DHX32: variants seen among roughly 807,000 people sequenced by gnomAD.
DHX32 encodes putative pre-mRNA-splicing factor ATP-dependent RNA helicase DHX32.
A neutral mutation model predicts 70.0 loss-of-function variants in DHX32; 51 were observed. The observed-to-expected ratio is 0.73, with a 90% CI of 0.58 to 0.92. DHX32 has a LOEUF of 0.92. DHX32 is among the 40% of genes least tolerant of loss of function. The pLI, the probability that DHX32 is intolerant of heterozygous loss-of-function variation, is 0.00. For missense variants in DHX32, 762 were observed against 891.8 expected, an observed-to-expected ratio of 0.85 and a Z score of 1.85; for synonymous variants, 310 against 315.3, an observed-to-expected ratio of 0.98 and a Z score of 0.18.
intron 6 of DHX32, among the ~76,000 whole-genome samples, chr10:125,846,543 G>C (rs182973541): frequency 6.6e-6 from 1 of 152,276 alleles, no homozygotes; most frequent in East Asian, 1.9e-4. Context: ...ACACATCTGG[G>C]ACAGCCTCAC....
chr10:125,841,577 C>A, intron 7 of DHX32, 166 bp downstream of exon 7: 1 of 1,429,944 alleles, frequency 7.0e-7, no homozygotes, highest in Non-Finnish European at 9.1e-7. Flanking sequence ...AGAAAATTTT[C>A]CTTTTCTAAC....
rs141785134 is a variant in DHX32 at position 125,876,505 on chromosome 10, T to C, written c.282+4038A>G. Among the ~76,000 whole-genome samples, 415 of 152,306 alleles carry C rather than the reference T, an allele frequency of 2.7e-3. 1 individual carries two copies. Among genetic ancestry groups the C allele is most frequent in the African/African-American group, 9.6e-3 (401 of 41,568 alleles). ...ATAAAGAACCAGGCAGATACCACCTTACCAAGGGATCAGAATTAACATCAC... is the reference window on the plus strand; with the variant it reads ...ATAAAGAACCAGGCAGATACCACCTCACCAAGGGATCAGAATTAACATCAC... On this transcript the variant is annotated intron_variant, in intron 1 of 10. Transcript: ENST00000284690.
chr10:125,856,846 C>T (rs1217034865), intron 3 of DHX32, among the ~76,000 whole-genome samples: 1 of 152,128 alleles, frequency 6.6e-6, no homozygotes, highest in Non-Finnish European at 1.5e-5. Flanking sequence ...ATCCCAGCTA[C>T]TTTGAAGGCT....
At position 125,866,886 on chromosome 10, in the gene DHX32, C is replaced by T. The variant is rs1944223510; in HGVS notation, c.476+104G>A. 3.1e-6 allele frequency: 4 copies of T among 1,285,846 alleles called. No individual in the cohort carries two copies. In the Admixed American group the frequency reaches 6.0e-5, roughly 19 times the overall value. The allele number at this position is 1,285,846 out of a possible 1,614,324, so 79.7% of individuals were successfully genotyped here. A position where few individuals can be genotyped will look rare whatever the true frequency, so the allele number is the denominator to read the frequency against. ...ACAGAGACCAGTTGCTACTGCACAG[C>T]ATAGATGCTTAACAGGTAGAATGCC... On this transcript the variant is annotated intron_variant, in intron 2 of 10. Transcript: ENST00000284690. The surrounding 1 kb of genome is among the most constrained non-coding windows in gnomAD (Gnocchi z 4.8).
chr10:125,862,414 T>C (rs1315857372), intron 2 of DHX32, among the ~76,000 whole-genome samples: 1 of 151,762 alleles, frequency 6.6e-6, no homozygotes, highest in Non-Finnish European at 1.5e-5. Flanking sequence ...TGCCAACAGA[T>C]GCATTGAAAT....
Position 125,841,328 on chromosome 10 carries a change from A to G in DHX32, c.1544-332T>C, listed in dbSNP as rs765568971. The G allele has an allele frequency of 5.0e-6, 8 of 1,614,090 alleles. No individual in the cohort carries two copies. The South Asian group carries it at 8.8e-5, about 18-fold the overall frequency. ...TTGGAACCAGTTCCGATACAGCACA[A>G]TGGTTGGTCTGTTCCCCCAGTATTA... On this transcript the variant is annotated intron_variant, in intron 7 of 10. Transcript: ENST00000284690.
chr10:125,875,446 T>C (rs1169849522), intron 1 of DHX32, among the ~76,000 whole-genome samples: 3 of 152,110 alleles, frequency 2.0e-5, no homozygotes, highest in African/African-American at 2.4e-5. Flanking sequence ...AGAAGCCACA[T>C]TGGGGGCAAT....
At chr10:125,874,030 T>C (rs1378100908) in intron 1 of DHX32, among the ~76,000 whole-genome samples, 3 of 152,246 alleles carry the variant, frequency 2.0e-5, no homozygotes, top group African/African-American at 7.2e-5. Context: ...TATACACTTC[T>C]AGAGATGTTT....
chr10:125,867,245 T>C, intron 1 of DHX32, 62 bp from the exon 2 acceptor site: 1 of 1,388,310 alleles, frequency 7.2e-7, no homozygotes, highest in Non-Finnish European at 9.8e-7. Context: ...GAGACATCTC[T>C]GTCTTACAGC....
chr10:125,852,518 T>C (rs775082542), intron 5 of DHX32, 25 bp downstream of exon 5: 1 of 1,613,142 alleles, frequency 6.2e-7, no homozygotes, highest in South Asian at 1.1e-5. Context: ...TTGACAACAT[T>C]TAGTATTTGT....
At chr10:125,843,981 A>G (rs1348349580) in intron 6 of DHX32, among the ~76,000 whole-genome samples, 2 of 152,314 alleles carry the variant, frequency 1.3e-5, no homozygotes, top group African/African-American at 4.8e-5. Context: ...CAAGATTTAA[A>G]ACTGAGCAGA....
chr10:125,867,592 T>C (rs142029017), intron 1 of DHX32, among the ~76,000 whole-genome samples: 7,837 of 152,030 alleles, frequency 0.052, 214 homozygotes, highest in Middle Eastern at 0.082. Flanking sequence ...AAAAATTAGC[T>C]AGGCGTGGTG....
At chr10:125,868,242 A>C (rs1418187550) in intron 1 of DHX32, among the ~76,000 whole-genome samples, 2 of 152,204 alleles carry the variant, frequency 1.3e-5, no homozygotes, top group African/African-American at 4.8e-5. Context: ...TTATAGTAGA[A>C]TGTACTGAAT....
At chr10:125,842,354 C>G (rs562731569) in intron 6 of DHX32, 1 of 165,082 alleles carries the variant, frequency 6.1e-6, no homozygotes, top group African/African-American at 2.4e-5. Context: ...TACTGATCAG[C>G]GCATGTGTGT....
chr10:125,874,867 G>A (rs574156171), intron 1 of DHX32, among the ~76,000 whole-genome samples: 1 of 152,288 alleles, frequency 6.6e-6, no homozygotes, highest in Admixed American at 6.5e-5. Context: ...TGGATAGAAT[G>A]AGACGTGTGT....
At chr10:125,879,804 A>G (rs191016892) in intron 1 of DHX32, among the ~76,000 whole-genome samples, 219 of 152,210 alleles carry the variant, frequency 1.4e-3, no homozygotes, top group African/African-American at 5.1e-3. Flanking sequence ...GGCATGCAGC[A>G]CCATGCCCGG....
chr10:125,890,057 T>C (rs1279307121), intron 1 of DHX32, among the ~76,000 whole-genome samples: 242 of 145,646 alleles, frequency 1.7e-3, no homozygotes, highest in African/African-American at 6.6e-3. Flanking sequence ...TGTTACATAT[T>C]GCTTCCAGAC....
chr10:125,865,591 G>A (rs772843205), intron 2 of DHX32, among the ~76,000 whole-genome samples: 10 of 151,992 alleles, frequency 6.6e-5, no homozygotes, highest in Non-Finnish European at 1.2e-4. Context: ...GTGCAGTGGC[G>A]CGATCACAGC....
chr10:125,887,878 G>A lies in DHX32; in HGVS notation c.-247-6807C>T, dbSNP rs539864454. Among the ~76,000 whole-genome samples the A allele has an allele frequency of 3.9e-5, 6 of 152,232 alleles. No individual in the cohort carries two copies. The East Asian group carries it at 5.8e-4, about 15-fold the overall frequency. The stretch of plus-strand genomic sequence containing the variant: ...GTTTATGGCAAAAGGCACAACAAAC[G>A]TGATTATGAGCAGGTGCACCAAGCA... On this transcript the variant is annotated intron_variant, in intron 1 of 2. Transcript: ENST00000415732.
Sources: allele counts gnomAD v4.1 joint callset (sites outside exome capture counted in the v4.1 genomes callset), GRCh38; gene constraint gnomAD v4.1.1; non-coding constraint Gnocchi (gnomAD v3.1); transcripts MANE v1.5; gene names NCBI Gene and HGNC (gene_info 2026-07-23, HGNC 2026-07-21).